Variants in TGIF1 observed in about 807,000 individuals in gnomAD.
TGIF1 encodes homeobox protein TGIF1.
In TGIF1, 4 loss-of-function variants were observed where a neutral mutation model predicts 19.3. The ratio of observed to expected loss-of-function variants is 0.21; its 90% confidence interval spans 0.10 to 0.47. The LOEUF is 0.47. Among genes scored for constraint, TGIF1 ranks in the 20% least tolerant of loss-of-function variants. The pLI is 0.98. For synonymous variants in TGIF1, 122 were observed against 129.3 expected, an observed-to-expected ratio of 0.94 and a Z score of 0.38; for missense variants, 275 against 341.4, an observed-to-expected ratio of 0.81 and a Z score of 1.53.
At chr18:3,447,409 A>AATGGGGC (rs1344042088), upstream of TGIF1, among the ~76,000 whole-genome samples, 1 of 152,006 alleles carries the variant, frequency 6.6e-6, no homozygotes, top group Non-Finnish European at 1.5e-5. Flanking sequence ...AGGCCCCGAG[A>AATGGGGC]CTGGAAGGGA....
At chr18:3,428,674 T>C (rs1409463764) in intron 2 of TGIF1, among the ~76,000 whole-genome samples, 1 of 151,720 alleles carries the variant, frequency 6.6e-6, no homozygotes, top group Non-Finnish European at 1.5e-5. Flanking sequence ...GAGGTGGAGG[T>C]TGCAGTGAGC....
At chr18:3,445,765 CAAAAAAAAAAAA>C (rs755240649), upstream of TGIF1, among the ~76,000 whole-genome samples, 8 of 35,842 alleles carry the variant, frequency 2.2e-4, no homozygotes, top group East Asian at 8.0e-3. Context: ...AGAAGAAAAG[CAAAAAAAAAAAA>C]AAAAAAAAAA....
chr18:3,425,958 C>T (rs1166677442), intron 2 of TGIF1, among the ~76,000 whole-genome samples: 1 of 152,000 alleles, frequency 6.6e-6, no homozygotes, highest in Non-Finnish European at 1.5e-5. Flanking sequence ...GCACCATCCC[C>T]CTGCCCTGCC....
rs1478445900 is a variant in TGIF1 at position 3,457,508 on chromosome 18, C to T, written c.387C>T (p.Ile129=). The T allele has an allele frequency of 6.2e-7, 1 of 1,614,040 alleles. No individual in the cohort carries two copies. The highest frequency in any genetic ancestry group is 8.5e-7 in the Non-Finnish European group (1 of 1,180,034). The stretch of plus-strand genomic sequence containing the variant: ...GCTCTGTGGAGTCCGTGATGGGCAT[C>T]AAAAACTTCATGCCAGCTCTAGAGG... ...ETSSVESVMG[I]KNFMPALEET... is the part of the protein sequence containing the mutation. The change falls in exon 3 of 3, where the codon ATC becomes ATT. Residue 129 remains isoleucine (I), a synonymous_variant. Transcript: ENST00000343820. The surrounding 1 kb of genome is among the most constrained non-coding windows in gnomAD (Gnocchi z 4.9).
At chr18:3,416,028 A>G (rs1267340726) in intron 1 of TGIF1, among the ~76,000 whole-genome samples, 2 of 152,212 alleles carry the variant, frequency 1.3e-5, no homozygotes, top group Non-Finnish European at 2.9e-5. Flanking sequence ...GGCTGGGAGT[A>G]GGTATTTGAT....
chr18:3,443,577 A>AATG (rs2143246435), intron 2 of TGIF1, among the ~76,000 whole-genome samples: 1 of 152,276 alleles, frequency 6.6e-6, no homozygotes, highest in South Asian at 2.1e-4. Context: ...AAATAATAAT[A>AATG]ATGAGAACTT....
chr18:3,438,048 A>C (rs1389050268), intron 2 of TGIF1, among the ~76,000 whole-genome samples: 1 of 152,026 alleles, frequency 6.6e-6, no homozygotes, highest in Non-Finnish European at 1.5e-5. Flanking sequence ...CACGCCATTG[A>C]ACTCCAACCT....
chr18:3,447,964 C>T (rs1260412372), upstream of TGIF1: 2 of 895,440 alleles, frequency 2.2e-6, no homozygotes, highest in Non-Finnish European at 2.7e-6. Flanking sequence ...GCCAAGTCCA[C>T]TTGGACGAAA....
chr18:3,421,721 T>C (rs1213475797), intron 2 of TGIF1, among the ~76,000 whole-genome samples: 3 of 150,174 alleles, frequency 2.0e-5, no homozygotes, highest in Non-Finnish European at 4.4e-5. Flanking sequence ...TATACTATAT[T>C]TTTAATTGTT....
In TGIF1 at chr18:3,450,373, C is replaced by G; in HGVS notation, c.-117C>G. The stretch of plus-strand genomic sequence containing the variant: ...CTGTTTAGCAATAACGGCTGGAGCA[C>G]GTCCTACAAGTTACGGGAGAGTCGG... On this transcript the variant is annotated 5_prime_UTR_variant, in exon 1 of 3. Coordinates refer to ENST00000343820, the MANE Select transcript of TGIF1 (RefSeq NM_003244.4). The G allele has an allele frequency of 6.5e-7, 1 of 1,530,428 alleles. No homozygotes were observed. Among genetic ancestry groups the G allele is most frequent in the Non-Finnish European group, 8.8e-7 (1 of 1,135,886 alleles). 94.8% of individuals were successfully genotyped at this position (1,530,428 alleles called of 1,614,324 possible). A position where few individuals can be genotyped will look rare whatever the true frequency, so the allele number is the denominator to read the frequency against.
upstream of TGIF1, chr18:3,449,511 A>C: frequency 1.0e-6 from 1 of 985,406 alleles, no homozygotes; most frequent in South Asian, 4.7e-5. Flanking sequence ...GGGGGAACAG[A>C]CGTTCGTTTA....
chr18:3,415,360 C>A, intron 1 of TGIF1: 1 of 406,594 alleles, frequency 2.5e-6, no homozygotes. Context: ...AAGCCTATTG[C>A]GAAATGGTCA....
upstream of TGIF1, chr18:3,448,665 C>T (rs1211684364): frequency 1.0e-6 from 1 of 975,072 alleles, no homozygotes; most frequent in Non-Finnish European, 1.2e-6. Flanking sequence ...ATTGGAAAAA[C>T]CACCCAGGCT....
intron 2 of TGIF1, among the ~76,000 whole-genome samples, chr18:3,428,174 G>A (rs2082498675): frequency 6.6e-6 from 1 of 152,182 alleles, no homozygotes; most frequent in Non-Finnish European, 1.5e-5. Context: ...GGGGGCTGGG[G>A]GGAGGGAGAG....
At chr18:3,434,506 A>C (rs929484926) in intron 2 of TGIF1, among the ~76,000 whole-genome samples, 5 of 152,130 alleles carry the variant, frequency 3.3e-5, no homozygotes, top group African/African-American at 1.2e-4. Flanking sequence ...ATTGCACTCC[A>C]GCCTGGGCAA....
Position 3,457,506 on chromosome 18 carries a change from A to G in TGIF1, c.385A>G (p.Ile129Val). The G allele has an allele frequency of 6.2e-7, 1 of 1,614,218 alleles. No homozygotes were observed. Among genetic ancestry groups the G allele is most frequent in the South Asian group, 1.1e-5 (1 of 91,078 alleles). Residue 129 changes from isoleucine to valine, a missense_variant, in exon 3 of 3, where the codon ATC (isoleucine) becomes GTC (valine). Physicochemically the swap from Ile to Val is conservative, Grantham distance 29. Transcript: ENST00000343820. This position sits in a 1 kb window ranked among gnomAD's most constrained non-coding sequence, Gnocchi z 4.9. ...ETSSVESVMG[I>V]KNFMPALEET... is the part of the protein sequence containing the mutation. ...GAGCTCTGTGGAGTCCGTGATGGGC[A>G]TCAAAAACTTCATGCCAGCTCTAGA...
rs10675936 is a variant in TGIF1 at position 3,426,166 on chromosome 18, C to CTTTTTTTTT, written c.-45+7963_-45+7971dup. 3.4e-4 allele frequency among the ~76,000 whole-genome samples: 40 copies of CTTTTTTTTT among 116,590 alleles called. 2 individuals carry two copies. Among genetic ancestry groups the CTTTTTTTTT allele is most frequent in the African/African-American group, 1.4e-3 (37 of 27,270 alleles). The allele number at this position is 116,590 out of a possible 152,430, so 76.5% of individuals were successfully genotyped here. A position where few individuals can be genotyped will look rare whatever the true frequency, so the allele number is the denominator to read the frequency against. ...CTCAGGCCCAGTTCTGGCTAGGGTC[C>CTTTTTTTTT]TTTTTTTTTTTTTTTTTTTTGAGAC... On this transcript the variant is annotated intron_variant, in intron 2 of 3. Coordinates refer to the TGIF1 transcript ENST00000401449.
rs540983108 is a variant in TGIF1 at position 3,438,678 on chromosome 18, G to C, written c.-44-17676G>C. 1.2e-3 allele frequency among the ~76,000 whole-genome samples: 184 copies of C among 150,248 alleles called. 2 individuals are homozygous for C. Among genetic ancestry groups the C allele is most frequent in the African/African-American group, 4.3e-3 (178 of 41,050 alleles). On this transcript the variant is annotated intron_variant, in intron 2 of 3. Coordinates refer to the TGIF1 transcript ENST00000401449. ...TTTTTCTAAAAGTTAATTTTGTCTA[G>C]TCAATAAAGTAAAACAATGTTCCTG... is the stretch of plus-strand genomic sequence containing the variant.
chr18:3,459,717 G>A lies in TGIF1; in HGVS notation c.*1777G>A, dbSNP rs553750148. The A allele has an allele frequency of 6.6e-6, 1 of 152,266 alleles. No individual in the cohort carries two copies. The highest frequency in any genetic ancestry group is 2.1e-4 in the South Asian group (1 of 4,820). 9.4% of individuals were successfully genotyped at this position (152,266 alleles called of 1,614,324 possible). On this transcript the variant is annotated 3_prime_UTR_variant, in exon 3 of 3. Coordinates refer to ENST00000343820, the MANE Select transcript of TGIF1 (RefSeq NM_003244.4). ...CACTCATACTGGAAGGAGAAGGAAA[G>A]GAGCCATATGACTCATTTAAAAGAA...
Sources: allele counts gnomAD v4.1 joint callset (sites outside exome capture counted in the v4.1 genomes callset), GRCh38; gene constraint gnomAD v4.1.1; non-coding constraint Gnocchi (gnomAD v3.1); transcripts MANE v1.5; gene names NCBI Gene and HGNC (gene_info 2026-07-23, HGNC 2026-07-21).